The following ZFPM2 variants were observed in gnomAD, a reference collection of about 807,000 sequenced individuals.
ZFPM2 encodes zinc finger protein ZFPM2.
In ZFPM2, 20 loss-of-function variants were observed where a neutral mutation model predicts 98.6. The ratio of observed to expected loss-of-function variants is 0.20; its 90% CI spans 0.14 to 0.29. The LOEUF (loss-of-function observed/expected upper bound fraction) is 0.29. ZFPM2 is among the 10% of genes least tolerant of loss of function. The probability of loss-of-function intolerance (pLI) is 1.00; values close to 1 mark genes in which losing one functional copy is unlikely to be tolerated. For synonymous variants in ZFPM2, 518 were observed against 502.7 expected, an observed-to-expected ratio of 1.03 and a Z score of -0.41; for missense variants, 1,310 against 1,388.6, an observed-to-expected ratio of 0.94 and a Z score of 0.90.
chr8:105,694,392 T>C (rs1810968877), intron 5 of ZFPM2, among the ~76,000 whole-genome samples: 1 of 152,146 alleles, frequency 6.6e-6, no homozygotes, highest in East Asian at 1.9e-4. Flanking sequence ...CAATTATGAT[T>C]TTTTTAAAGA....
chr8:105,491,017 G>A (rs1339466710), intron 3 of ZFPM2, among the ~76,000 whole-genome samples: 2 of 152,014 alleles, frequency 1.3e-5, no homozygotes. Context: ...TTGATATTAT[G>A]CAAACATCTT....
At chr8:105,748,941 T>C (rs1812413446) in intron 5 of ZFPM2, among the ~76,000 whole-genome samples, 1 of 152,080 alleles carries the variant, frequency 6.6e-6, no homozygotes, top group Non-Finnish European at 1.5e-5. Flanking sequence ...ATTAAATCAC[T>C]TGGGAAATTG....
rs532620467 is a variant in ZFPM2 at position 105,574,527 on chromosome 8, C to A, written c.420+13046C>A. On this transcript the variant is annotated intron_variant, in intron 4 of 7. Coordinates refer to ENST00000407775, the MANE Select transcript of ZFPM2 (RefSeq NM_012082.4). ...TGTATTTTAAAATGTTAACTCAATTCTTTCATTATTTATGGCATTTTAGAG... is the reference window on the plus strand; with the variant it reads ...TGTATTTTAAAATGTTAACTCAATTATTTCATTATTTATGGCATTTTAGAG... 5.9e-5 allele frequency among the ~76,000 whole-genome samples: 9 copies of A among 152,196 alleles called. No individual in the cohort carries two copies. In the South Asian group the frequency reaches 8.3e-4, roughly 14 times the overall value.
chr8:105,685,457 T>G (rs1011041587), intron 5 of ZFPM2, among the ~76,000 whole-genome samples: 3 of 152,146 alleles, frequency 2.0e-5, no homozygotes, highest in Non-Finnish European at 4.4e-5. Context: ...ATCTATAGTC[T>G]GCTTACCTAC....
At chr8:105,462,740 C>T (rs1397163361) in intron 3 of ZFPM2, among the ~76,000 whole-genome samples, 1 of 116,054 alleles carries the variant, frequency 8.6e-6, no homozygotes, top group African/African-American at 2.7e-5. Flanking sequence ...ATTTTGTATA[C>T]AGATTTTTTT....
At chr8:105,686,437 C>G (rs1470135764) in intron 5 of ZFPM2, among the ~76,000 whole-genome samples, 1 of 152,016 alleles carries the variant, frequency 6.6e-6, no homozygotes, top group African/African-American at 2.4e-5. Context: ...TGTGAAATTT[C>G]CTTAATGGCT....
chr8:105,722,430 G>A (rs1811689896), intron 5 of ZFPM2, among the ~76,000 whole-genome samples: 1 of 151,718 alleles, frequency 6.6e-6, no homozygotes, highest in Admixed American at 6.6e-5. Flanking sequence ...CCACCCCCAT[G>A]CATTTGAAAC....
intron 1 of ZFPM2, among the ~76,000 whole-genome samples, chr8:105,380,525 C>T (rs1302832875): frequency 7.3e-6 from 1 of 137,806 alleles, no homozygotes; most frequent in Non-Finnish European, 1.5e-5. Flanking sequence ...TACATATGCA[C>T]ACCCGAACTC....
chr8:105,363,085 C>A (rs1256469660), intron 1 of ZFPM2, among the ~76,000 whole-genome samples: 4 of 152,092 alleles, frequency 2.6e-5, no homozygotes, highest in African/African-American at 9.7e-5. Flanking sequence ...TCCCCACTCA[C>A]CTTTACATGG....
intron 1 of ZFPM2, among the ~76,000 whole-genome samples, chr8:105,408,237 C>T (rs1811503161): frequency 6.6e-6 from 1 of 151,782 alleles, no homozygotes. Flanking sequence ...ATGTCGAGTG[C>T]CTCTGTGTCT....
At chr8:105,650,814 G>T (rs1359723729) in intron 5 of ZFPM2, among the ~76,000 whole-genome samples, 1 of 152,160 alleles carries the variant, frequency 6.6e-6, no homozygotes, top group Non-Finnish European at 1.5e-5. Context: ...GTCAATTTTG[G>T]AATAAGTGCG....
At chr8:105,332,552 T>C (rs776538681) in intron 1 of ZFPM2, among the ~76,000 whole-genome samples, 1 of 151,766 alleles carries the variant, frequency 6.6e-6, no homozygotes, top group Non-Finnish European at 1.5e-5. Context: ...AACAAACATA[T>C]AGTAAGTACT....
chr8:105,555,909 AG>A (rs1336180612), intron 3 of ZFPM2, among the ~76,000 whole-genome samples: 4 of 152,144 alleles, frequency 2.6e-5, no homozygotes, highest in African/African-American at 9.6e-5. Context: ...GGAGATGAGG[AG>A]GAATGGAAGG....
intron 3 of ZFPM2, among the ~76,000 whole-genome samples, chr8:105,532,729 G>A (rs946763014): frequency 6.6e-6 from 1 of 152,052 alleles, no homozygotes; most frequent in African/African-American, 2.4e-5. Flanking sequence ...CTTGTTACTT[G>A]ATTGTGCCCA....
At position 105,481,887 on chromosome 8, in the gene ZFPM2, CAACAGCAACTTATTGCCACAAAT is replaced by C. The variant is rs1205710275; in HGVS notation, c.301+37509_301+37531del. On this transcript the variant is annotated intron_variant, in intron 3 of 7. Transcript: ENST00000407775. Reference sequence around the variant, plus strand: ...AAGCTCAAAATAACATCATCAGCAACAACAGCAACTTATTGCCACAAATAATAAGAAAAATCCCAATTTGAATT... The same window carrying C: ...AAGCTCAAAATAACATCATCAGCAACAATAAGAAAAATCCCAATTTGAATT... Among the ~76,000 whole-genome samples, 3 of 152,272 alleles carry C rather than the reference CAACAGCAACTTATTGCCACAAAT, an allele frequency of 2.0e-5. No individual in the cohort carries two copies. In the East Asian group the frequency reaches 5.8e-4, roughly 29 times the overall value.
At chr8:105,364,452 A>C (rs1370678764) in intron 1 of ZFPM2, among the ~76,000 whole-genome samples, 4 of 152,072 alleles carry the variant, frequency 2.6e-5, no homozygotes, top group Non-Finnish European at 5.9e-5. Flanking sequence ...GTTCAGGGAA[A>C]TTTTATATAT....
At chr8:105,551,582 T>C (rs1814854092) in intron 3 of ZFPM2, among the ~76,000 whole-genome samples, 1 of 152,178 alleles carries the variant, frequency 6.6e-6, no homozygotes, top group South Asian at 2.1e-4. Flanking sequence ...GCTCCCTGGG[T>C]TAGACTGAAA....
chr8:105,380,937 A>AATATAATATATATG (rs1810874669), intron 1 of ZFPM2, among the ~76,000 whole-genome samples: 1 of 108,636 alleles, frequency 9.2e-6, no homozygotes, highest in Non-Finnish European at 1.8e-5. Context: ...TAATATATAT[A>AATATAATATATATG]TTATTATACT....
At chr8:105,605,977 T>C (rs765402103) in intron 4 of ZFPM2, among the ~76,000 whole-genome samples, 1 of 152,110 alleles carries the variant, frequency 6.6e-6, no homozygotes, top group Non-Finnish European at 1.5e-5. Context: ...TGTCATTTTC[T>C]CTTAATACCT....
Sources: allele counts gnomAD v4.1 joint callset (sites outside exome capture counted in the v4.1 genomes callset), GRCh38; gene constraint gnomAD v4.1.1; transcripts MANE v1.5; gene names NCBI Gene and HGNC (gene_info 2026-07-23, HGNC 2026-07-21).